The following LSM6 variants were observed in gnomAD, a reference collection of about 807,000 sequenced individuals.
LSM6 encodes LSM6 homolog, U6 small nuclear RNA and mRNA degradation associated.
Under a neutral mutation model 13.5 loss-of-function variants are expected in LSM6, and 2 were observed. The ratio of observed to expected loss-of-function variants is 0.15; its 90% CI spans 0.06 to 0.47. LSM6 has a LOEUF of 0.47. Among genes scored for constraint, LSM6 ranks in the 20% least tolerant of loss-of-function variants. The pLI is 0.97. For missense variants in LSM6, 58 were observed against 96.4 expected (o/e 0.60, Z 1.67); for synonymous variants, 43 against 34.9 (o/e 1.23, Z -0.82).
chr4:146,183,005 G>T lies in LSM6; in HGVS notation c.84G>T (p.Val28=). The T allele has an allele frequency of 6.2e-7, 1 of 1,605,038 alleles. No individual in the cohort carries two copies. The highest frequency in any genetic ancestry group is 8.5e-7 in the Non-Finnish European group (1 of 1,172,010). ...TTGTGGTAAAATTAAATTCTGGAGT[G>T]GATTATCGAGGTAATATTTTCATGT... is the stretch of plus-strand genomic sequence containing the variant. The part of the protein sequence containing the change: ...RPVVVKLNSG[V]DYRGVLACLD... Residue 28 remains valine (V), a synonymous_variant, in exon 2 of 4, where the codon GTG becomes GTT. Coordinates refer to ENST00000296581, the MANE Select transcript of LSM6 (RefSeq NM_007080.3).
intron 1 of LSM6, among the ~76,000 whole-genome samples, chr4:146,179,659 A>G (rs1456049599): frequency 6.6e-6 from 1 of 152,194 alleles, no homozygotes; most frequent in Non-Finnish European, 1.5e-5. Context: ...TTGAGGGAGA[A>G]AAGACCCACA....
At chr4:146,184,937 AT>A (rs930800253) in intron 2 of LSM6, among the ~76,000 whole-genome samples, 13 of 150,726 alleles carry the variant, frequency 8.6e-5, no homozygotes, top group East Asian at 3.9e-4. Context: ...ATGCAACCTG[AT>A]TTTTTTTTTA....
chr4:146,181,384 A>G (rs1730227117), intron 1 of LSM6: 1 of 152,212 alleles, frequency 6.6e-6, no homozygotes, highest in African/African-American at 2.4e-5. Context: ...TAAGTTCTTT[A>G]AGGCAGAGCC....
intron 1 of LSM6, chr4:146,176,486 T>G (rs747771606): frequency 2.0e-5 from 3 of 152,268 alleles, no homozygotes; most frequent in Non-Finnish European, 2.9e-5. Flanking sequence ...CTGCTCTTAG[T>G]AATACGTGAC....
chr4:146,179,323 T>C (rs2115794), intron 1 of LSM6, among the ~76,000 whole-genome samples: 111,520 of 152,162 alleles, frequency 0.73, 41,298 homozygotes, highest in African/African-American at 0.79. Flanking sequence ...TTTCTTCTGC[T>C]TTATCCAATT....
intron 2 of LSM6, among the ~76,000 whole-genome samples, chr4:146,187,057 G>A (rs977752946): frequency 5.3e-5 from 8 of 152,164 alleles, no homozygotes; most frequent in African/African-American, 1.7e-4. Context: ...TTGTTTTACC[G>A]GGTAGTAGTG....
At chr4:146,189,376 T>G (rs1340643807) in intron 3 of LSM6, among the ~76,000 whole-genome samples, 2 of 152,220 alleles carry the variant, frequency 1.3e-5, no homozygotes, top group Admixed American at 6.5e-5. Context: ...TTTATCTTCC[T>G]GGTCACACTT....
chr4:146,188,788 C>T (rs1578682922), intron 3 of LSM6, among the ~76,000 whole-genome samples: 1 of 151,940 alleles, frequency 6.6e-6, no homozygotes, highest in South Asian at 2.1e-4. Context: ...TTAACGGGAA[C>T]TCAGAATAAG....
chr4:146,186,061 T>C (rs550215978), intron 2 of LSM6, among the ~76,000 whole-genome samples: 1 of 152,220 alleles, frequency 6.6e-6, no homozygotes, highest in Non-Finnish European at 1.5e-5. Context: ...TGAAATTCTT[T>C]TCATTGGTTT....
chr4:146,178,132 G>C (rs1414081871), intron 1 of LSM6, among the ~76,000 whole-genome samples: 4 of 152,182 alleles, frequency 2.6e-5, no homozygotes, highest in African/African-American at 9.7e-5. Context: ...CCATAGTTTG[G>C]GCTGATGGGG....
intron 1 of LSM6, among the ~76,000 whole-genome samples, chr4:146,182,406 G>A (rs971530915): frequency 3.9e-5 from 6 of 152,170 alleles, no homozygotes; most frequent in Admixed American, 2.0e-4. Context: ...TCACATTTGG[G>A]AACAAATTAT....
At position 146,191,072 on chromosome 4, in the gene LSM6, C is replaced by G. The variant is rs989601734; in HGVS notation, c.*1416C>G. On this transcript the variant is annotated 3_prime_UTR_variant, in exon 4 of 4. Coordinates refer to ENST00000296581, the MANE Select transcript of LSM6 (RefSeq NM_007080.3). ...TTCACAGGGTTTTACCGTGTGCACA[C>G]TGAAAATAAAACACTTTATGCTATG... 1.3e-5 allele frequency: 2 copies of G among 152,184 alleles called. No homozygotes were observed. The highest frequency in any genetic ancestry group is 4.8e-5 in the African/African-American group (2 of 41,428). The allele number at this position is 152,184 out of a possible 1,614,324, so 9.4% of individuals were successfully genotyped here. A position where few individuals can be genotyped will look rare whatever the true frequency, so the allele number is the denominator to read the frequency against.
rs200759676 is a variant in LSM6, at chr4:146,179,446, G to A, written c.-10-3466G>A. On this transcript the variant is annotated intron_variant, in intron 1 of 3. Transcript: ENST00000296581. ...TGGGCAAGTCATTAAGTAACAGGGAGTAGCAAGGAAGCCTAATGAAGACTA... is the reference window on the plus strand; with the variant it reads ...TGGGCAAGTCATTAAGTAACAGGGAATAGCAAGGAAGCCTAATGAAGACTA... Among the ~76,000 whole-genome samples the A allele has an allele frequency of 2.4e-4, 37 of 152,322 alleles. No individual in the cohort carries two copies. The East Asian group carries it at 7.1e-3, about 29-fold the overall frequency.
intron 2 of LSM6, among the ~76,000 whole-genome samples, chr4:146,183,900 T>TCTCGCTCTG (rs1213576973): frequency 5.8e-5 from 8 of 138,646 alleles, no homozygotes; most frequent in African/African-American, 8.3e-5. Context: ...TGAGACGGAG[T>TCTCGCTCTG]CTCGCTCTGT....
At chr4:146,187,195 G>T in intron 2 of LSM6, 79 bp from the exon 3 acceptor site, 1 of 686,286 alleles carries the variant, frequency 1.5e-6, no homozygotes, top group Non-Finnish European at 2.6e-6. Flanking sequence ...TAAAGAGATT[G>T]TCTGCTCTAA....
chr4:146,181,605 T>C (rs1458500572), intron 1 of LSM6, among the ~76,000 whole-genome samples: 1 of 152,188 alleles, frequency 6.6e-6, no homozygotes, highest in East Asian at 1.9e-4. Flanking sequence ...GAAGAATGTT[T>C]AATGAAAAAA....
At position 146,183,263 on chromosome 4, in the gene LSM6, CA is replaced by C; in HGVS notation, c.94+249del. On this transcript the variant is annotated intron_variant, in intron 2 of 3. Coordinates refer to ENST00000296581, the MANE Select transcript of LSM6 (RefSeq NM_007080.3). ...CTGTCTCCTGTCTCTGCTTTGAGAT[CA>C]TATGTGCCTAAATTCCCTGGTAATA... The C allele has an allele frequency of 6.1e-5, 22 of 361,104 alleles. No homozygotes were observed. The South Asian group carries it at 6.5e-4, about 11-fold the overall frequency. 22.4% of individuals were successfully genotyped at this position (361,104 alleles called of 1,614,324 possible).
At chr4:146,184,209 A>G (rs1373914822) in intron 2 of LSM6, among the ~76,000 whole-genome samples, 1 of 152,104 alleles carries the variant, frequency 6.6e-6, no homozygotes, top group Non-Finnish European at 1.5e-5. Context: ...TGCTTCTTAA[A>G]GGCCCCCACC....
chr4:146,186,879 A>G (rs1042522605), intron 2 of LSM6, among the ~76,000 whole-genome samples: 19 of 152,374 alleles, frequency 1.2e-4, no homozygotes, highest in African/African-American at 4.1e-4. Context: ...TGGCTAAAGT[A>G]GGAAATGCCA....
Sources: allele counts gnomAD v4.1 joint callset (sites outside exome capture counted in the v4.1 genomes callset), GRCh38; gene constraint gnomAD v4.1.1; transcripts MANE v1.5; gene names NCBI Gene and HGNC (gene_info 2026-07-23, HGNC 2026-07-21).